The following MARCHF1 variants were observed in gnomAD, a reference collection of about 807,000 sequenced individuals.
MARCHF1 encodes E3 ubiquitin-protein ligase MARCHF1.
In MARCHF1, 40 loss-of-function variants were observed where a neutral mutation model predicts 54.2. The ratio of observed to expected loss-of-function variants is 0.74; its 90% CI spans 0.57 to 0.96. The LOEUF is 0.96. MARCHF1 is among the 40% of genes least tolerant of loss of function. The pLI is 0.00. For synonymous variants in MARCHF1, 236 were observed against 236.3 expected, an observed-to-expected ratio of 1.00 and a Z score of 0.01; for missense variants, 586 against 656.5, an observed-to-expected ratio of 0.89 and a Z score of 1.17.
At chr4:163,937,406 G>A (rs1209411001) in intron 3 of MARCHF1, among the ~76,000 whole-genome samples, 1 of 151,624 alleles carries the variant, frequency 6.6e-6, no homozygotes, top group Non-Finnish European at 1.5e-5. Context: ...TATGTCTTTT[G>A]TCCTTGGAAA....
intron 1 of MARCHF1, among the ~76,000 whole-genome samples, chr4:164,243,359 T>A (rs2321379): frequency 7.7e-6 from 1 of 129,476 alleles, no homozygotes; most frequent in African/African-American, 2.8e-5. Context: ...CAACCCAGAA[T>A]TTCATATCCA....
chr4:163,906,378 T>A (rs1751066957), intron 3 of MARCHF1, among the ~76,000 whole-genome samples: 1 of 151,964 alleles, frequency 6.6e-6, no homozygotes, highest in African/African-American at 2.4e-5. Flanking sequence ...CTGCTCAGGT[T>A]GAAGGGGAAG....
intron 1 of MARCHF1, among the ~76,000 whole-genome samples, chr4:164,176,688 CTAATTT>C (rs1730672010): frequency 6.6e-6 from 1 of 151,674 alleles, no homozygotes. Flanking sequence ...TTTTGTGTTG[CTAATTT>C]TATTTTTTTT....
chr4:164,008,622 T>C (rs1396369652), intron 2 of MARCHF1, among the ~76,000 whole-genome samples: 1 of 151,866 alleles, frequency 6.6e-6, no homozygotes, highest in Non-Finnish European at 1.5e-5. Flanking sequence ...AAGGCAGAAA[T>C]CATGTCAACT....
chr4:164,329,972 T>A (rs913259084), intron 1 of MARCHF1: 4 of 152,168 alleles, frequency 2.6e-5, no homozygotes, highest in African/African-American at 9.7e-5. Flanking sequence ...CTCACAGGGA[T>A]GTCTCATTTT....
At chr4:163,695,110 A>G (rs62334333) in intron 5 of MARCHF1, among the ~76,000 whole-genome samples, 46,454 of 152,028 alleles carry the variant, frequency 0.31, 8,914 homozygotes, top group Non-Finnish European at 0.44. Context: ...GGATCTCTCA[A>G]TAAATCAGAA....
chr4:163,836,276 C>G (rs879944907), intron 4 of MARCHF1, among the ~76,000 whole-genome samples: 1 of 150,922 alleles, frequency 6.6e-6, no homozygotes. Flanking sequence ...GATGGAGTCT[C>G]GCTCTATCAT....
chr4:164,052,490 C>A (rs1426390019), intron 2 of MARCHF1, among the ~76,000 whole-genome samples: 1 of 152,026 alleles, frequency 6.6e-6, no homozygotes, highest in Non-Finnish European at 1.5e-5. Context: ...CAAGATCACG[C>A]CACTGCACTG....
intron 5 of MARCHF1, among the ~76,000 whole-genome samples, chr4:163,614,580 T>A (rs1579114399): frequency 1.3e-5 from 2 of 152,238 alleles, no homozygotes; most frequent in African/African-American, 4.8e-5. Context: ...TATGTAATCA[T>A]GATTCTGAAA....
chr4:163,649,728 G>A (rs1045851318), intron 5 of MARCHF1, among the ~76,000 whole-genome samples: 2 of 149,974 alleles, frequency 1.3e-5, no homozygotes, highest in African/African-American at 4.9e-5. Context: ...CACCTTCCAT[G>A]ATACCCTGTG....
intron 7 of MARCHF1, among the ~76,000 whole-genome samples, chr4:163,586,686 A>T (rs1462596332): frequency 6.6e-6 from 1 of 152,194 alleles, no homozygotes; most frequent in Non-Finnish European, 1.5e-5. Context: ...ACAGGATACT[A>T]TCTATGGGCT....
chr4:164,222,733 G>A (rs980046940), intron 1 of MARCHF1, among the ~76,000 whole-genome samples: 1 of 151,974 alleles, frequency 6.6e-6, no homozygotes, highest in Non-Finnish European at 1.5e-5. Context: ...TTTGATGGTA[G>A]TTTTAGAAAT....
chr4:164,296,882 C>A (rs1734424794), intron 1 of MARCHF1, among the ~76,000 whole-genome samples: 4 of 152,132 alleles, frequency 2.6e-5, no homozygotes, highest in Admixed American at 1.3e-4. Flanking sequence ...AAATTTCTCA[C>A]CACCAAATTT....
intron 1 of MARCHF1, among the ~76,000 whole-genome samples, chr4:164,296,970 T>A (rs1487806919): frequency 1.3e-5 from 2 of 152,210 alleles, no homozygotes; most frequent in Non-Finnish European, 2.9e-5. Context: ...CCAGCAGACT[T>A]GGATTCATGC....
chr4:164,189,351 C>T (rs766322280), intron 1 of MARCHF1: 36 of 616,186 alleles, frequency 5.8e-5, no homozygotes, highest in Non-Finnish European at 9.8e-5. Flanking sequence ...TGACTCAGGC[C>T]AAATTTTAAG....
intron 7 of MARCHF1, among the ~76,000 whole-genome samples, chr4:163,587,272 A>C (rs1481294586): frequency 3.9e-5 from 6 of 152,202 alleles, no homozygotes; most frequent in Admixed American, 2.6e-4. Context: ...ATGGCTAATA[A>C]ATTTCATTAG....
intron 1 of MARCHF1, among the ~76,000 whole-genome samples, chr4:164,378,928 G>T (rs186576931): frequency 8.5e-5 from 13 of 152,140 alleles, no homozygotes; most frequent in African/African-American, 2.9e-4. Flanking sequence ...GGCCAGGCTG[G>T]TCTCGAACTC....
intron 2 of MARCHF1, among the ~76,000 whole-genome samples, chr4:164,069,293 G>A (rs1754805170): frequency 6.6e-6 from 1 of 152,186 alleles, no homozygotes; most frequent in Non-Finnish European, 1.5e-5. Flanking sequence ...ATGTGGGTGG[G>A]GCCAGATAAG....
chr4:163,736,553 G>A (rs201191971), intron 4 of MARCHF1, among the ~76,000 whole-genome samples: 1 of 146,364 alleles, frequency 6.8e-6, no homozygotes, highest in Non-Finnish European at 1.5e-5. Context: ...GTTGGGTGGG[G>A]GGGGGGACTA....
Sources: allele counts gnomAD v4.1 joint callset (sites outside exome capture counted in the v4.1 genomes callset), GRCh38; gene constraint gnomAD v4.1.1; transcripts MANE v1.5; gene names NCBI Gene and HGNC (gene_info 2026-07-23, HGNC 2026-07-21).